The following MAPKAP1 variants were observed in gnomAD, a reference collection of about 807,000 sequenced individuals.
MAPKAP1 encodes the protein MAPK associated protein 1.
In MAPKAP1, 20 loss-of-function variants were observed where a neutral mutation model predicts 65.7. The ratio of observed to expected loss-of-function variants is 0.30; its 90% CI spans 0.21 to 0.44. The LOEUF (loss-of-function observed/expected upper bound fraction) is 0.44, where lower values mean the gene tolerates loss of function less well. Ranked by LOEUF, MAPKAP1 falls within the 20% of genes least tolerant of loss-of-function variation. MAPKAP1 has a pLI of 1.00. For synonymous variants in MAPKAP1, 222 were observed against 244.3 expected, an observed-to-expected ratio of 0.91 and a Z score of 0.85; for missense variants, 423 against 648.0, an observed-to-expected ratio of 0.65 and a Z score of 3.77.
chr9:125,440,547 G>C lies in MAPKAP1; in HGVS notation c.1444-1535C>G, dbSNP rs538503273. ...GGCCATGTGTCCTGTGCCAGAGGGA[G>C]AGGAGCTTCTGCTGACTCCGAGAAG... On this transcript the variant is annotated intron_variant, in intron 11 of 11. Coordinates refer to ENST00000265960, the MANE Select transcript of MAPKAP1 (RefSeq NM_001006617.3). Among the ~76,000 whole-genome samples, 15 of 152,354 alleles carry C rather than the reference G, an allele frequency of 9.8e-5. 1 individual carries two copies. The highest frequency in any genetic ancestry group is 3.1e-4 in the African/African-American group (13 of 41,572).
intron 7 of MAPKAP1, among the ~76,000 whole-genome samples, chr9:125,527,278 G>A (rs1183264630): frequency 6.6e-6 from 1 of 152,054 alleles, no homozygotes; most frequent in Non-Finnish European, 1.5e-5. Flanking sequence ...ATCTTGGCCA[G>A]GCTGGTCTTG....
chr9:125,538,434 G>C (rs1301174212), intron 7 of MAPKAP1, among the ~76,000 whole-genome samples: 3 of 152,188 alleles, frequency 2.0e-5, no homozygotes, highest in African/African-American at 7.2e-5. Flanking sequence ...AAGACTGACA[G>C]CTGGATATGT....
At chr9:125,698,307 ATAT>A (rs2131872392) in intron 1 of MAPKAP1, among the ~76,000 whole-genome samples, 1 of 53,216 alleles carries the variant, frequency 1.9e-5, no homozygotes, top group East Asian at 5.3e-4. Context: ...ATATATATAT[ATAT>A]ATATATATAT....
intron 4 of MAPKAP1, among the ~76,000 whole-genome samples, chr9:125,633,884 TTAATTA>T (rs1309583561): frequency 2.0e-5 from 3 of 152,200 alleles, no homozygotes; most frequent in Admixed American, 6.5e-5. Flanking sequence ...ATTTAGCAAT[TTAATTA>T]TATCTTTGCA....
intron 7 of MAPKAP1, among the ~76,000 whole-genome samples, chr9:125,511,167 T>TCAC (rs1829289084): frequency 2.5e-5 from 1 of 39,772 alleles, no homozygotes; most frequent in South Asian, 7.7e-4. Context: ...ATCATCACCA[T>TCAC]CATCATCATC....
At chr9:125,467,652 G>T (rs1270352826) in intron 10 of MAPKAP1, among the ~76,000 whole-genome samples, 3 of 152,222 alleles carry the variant, frequency 2.0e-5, no homozygotes, top group African/African-American at 4.8e-5. Flanking sequence ...GGAGCCCAAA[G>T]GGAAATGAGG....
At chr9:125,617,374 T>C (rs766464875) in intron 4 of MAPKAP1, among the ~76,000 whole-genome samples, 6 of 152,138 alleles carry the variant, frequency 3.9e-5, no homozygotes, top group African/African-American at 7.2e-5. Context: ...GTTGGAAAGA[T>C]TGCTTGAGCC....
chr9:125,654,976 A>C (rs983693697), intron 4 of MAPKAP1, among the ~76,000 whole-genome samples: 1 of 152,146 alleles, frequency 6.6e-6, no homozygotes, highest in African/African-American at 2.4e-5. Flanking sequence ...ATTATGTACT[A>C]TTTGCCCAAG....
intron 7 of MAPKAP1, among the ~76,000 whole-genome samples, chr9:125,517,494 T>C (rs1829497026): frequency 6.6e-6 from 1 of 152,224 alleles, no homozygotes; most frequent in Admixed American, 6.5e-5. Flanking sequence ...CCATTTCTAG[T>C]CTTGTTACAA....
chr9:125,551,522 A>G (rs1383724554), intron 6 of MAPKAP1, among the ~76,000 whole-genome samples: 1 of 152,174 alleles, frequency 6.6e-6, no homozygotes, highest in Non-Finnish European at 1.5e-5. Flanking sequence ...TCTTGGTTAG[A>G]ACTGTTCCTT....
At chr9:125,566,900 T>C (rs512445) in intron 5 of MAPKAP1, among the ~76,000 whole-genome samples, 70,524 of 152,038 alleles carry the variant, frequency 0.46, 18,169 homozygotes, top group Non-Finnish European at 0.57. Context: ...ACACTTTGTT[T>C]AGATCTAGCA....
intron 10 of MAPKAP1, among the ~76,000 whole-genome samples, chr9:125,445,592 A>C (rs906276769): frequency 9.2e-5 from 14 of 152,258 alleles, no homozygotes; most frequent in Non-Finnish European, 1.5e-5. Flanking sequence ...CCATGGCTAC[A>C]TTATCTGGGC....
intron 11 of MAPKAP1, among the ~76,000 whole-genome samples, chr9:125,443,696 G>GCCCCGCCA (rs1852586445): frequency 1.0e-5 from 1 of 98,864 alleles, no homozygotes; most frequent in Non-Finnish European, 2.1e-5. Context: ...AGCCCCGCCA[G>GCCCCGCCA]CTCCCCCAGC....
At chr9:125,675,482 A>T (rs1834617345) in intron 1 of MAPKAP1, among the ~76,000 whole-genome samples, 1 of 152,194 alleles carries the variant, frequency 6.6e-6, no homozygotes, top group South Asian at 2.1e-4. Context: ...CCCAGAACAA[A>T]TGCCTCAACA....
At chr9:125,674,060 C>T (rs756960473) in intron 1 of MAPKAP1, among the ~76,000 whole-genome samples, 6 of 152,082 alleles carry the variant, frequency 3.9e-5, no homozygotes, top group Non-Finnish European at 7.4e-5. Context: ...TGCAGGACAA[C>T]GGTTAGGTAC....
At chr9:125,488,646 T>C (rs1854584912) in intron 8 of MAPKAP1, among the ~76,000 whole-genome samples, 1 of 152,142 alleles carries the variant, frequency 6.6e-6, no homozygotes, top group Non-Finnish European at 1.5e-5. Flanking sequence ...GTGCCCAGCC[T>C]CCAGTGTCAT....
intron 10 of MAPKAP1, among the ~76,000 whole-genome samples, chr9:125,454,188 T>C (rs1853071321): frequency 1.3e-5 from 2 of 152,276 alleles, no homozygotes; most frequent in Non-Finnish European, 2.9e-5. Flanking sequence ...CAATGGCTTA[T>C]GAGGGCCTTT....
At chr9:125,701,594 C>T (rs2131882132) in intron 1 of MAPKAP1, among the ~76,000 whole-genome samples, 1 of 152,304 alleles carries the variant, frequency 6.6e-6, no homozygotes, top group Middle Eastern at 3.4e-3. Context: ...AACTGTGATT[C>T]ACTGGGTGCC....
chr9:125,696,909 CA>C (rs34804608), intron 1 of MAPKAP1, among the ~76,000 whole-genome samples: 73,724 of 151,866 alleles, frequency 0.49, 18,843 homozygotes, highest in African/African-American at 0.66. Context: ...AATCACTTCC[CA>C]AATACGTAAG....
Sources: allele counts gnomAD v4.1 joint callset (sites outside exome capture counted in the v4.1 genomes callset), GRCh38; gene constraint gnomAD v4.1.1; transcripts MANE v1.5; gene names NCBI Gene and HGNC (gene_info 2026-07-23, HGNC 2026-07-21).